ZMYND8: variants seen among roughly 807,000 people sequenced by gnomAD.
ZMYND8 encodes zinc finger MYND-type containing 8.
A neutral mutation model predicts 140.8 loss-of-function variants in ZMYND8; 37 were observed. That is an observed-to-expected ratio of 0.26 (90% CI 0.20 to 0.35). The LOEUF (loss-of-function observed/expected upper bound fraction) is 0.35, where lower values mean the gene tolerates loss of function less well. ZMYND8 is among the 10% of genes least tolerant of loss of function. The probability of loss-of-function intolerance (pLI) is 1.00; values close to 1 mark genes in which losing one functional copy is unlikely to be tolerated. For missense variants in ZMYND8, 1,068 were observed against 1,570.0 expected (o/e 0.68, Z 5.40); for synonymous variants, 592 against 597.1 (o/e 0.99, Z 0.12).
At chr20:47,262,496 T>C (rs1368089844) in intron 11 of ZMYND8, 68 bp from the exon 12 acceptor site, 17 of 1,589,576 alleles carry the variant, frequency 1.1e-5, no homozygotes, top group Non-Finnish European at 1.5e-5. Flanking sequence ...AGGTGTGGTG[T>C]AGGGAGAGAA....
At position 47,246,072 on chromosome 20, in the gene ZMYND8, GTCT is replaced by G. The variant is rs1568977158; in HGVS notation, c.2217_2219del (p.Glu739del). 6.2e-7 allele frequency: 1 copy of G among 1,614,012 alleles called. No homozygotes were observed. ...TTTTTCGACCCTCCCGCCCAGAATG[GTCT>G]TCTCCTAAATCTATGACAAGTTCGC... is the stretch of plus-strand genomic sequence containing the variant. On this transcript the variant is annotated inframe_deletion, in exon 14 of 23. Coordinates refer to ENST00000471951, the MANE Select transcript of ZMYND8 (RefSeq NM_001281775.3).
chr20:47,210,976 C>CTCCTGCACAG, intron 22 of ZMYND8, 79 bp from the exon 23 acceptor site: 1 of 1,553,996 alleles, frequency 6.4e-7, no homozygotes, highest in South Asian at 1.2e-5. Flanking sequence ...TGACCTGCCC[C>CTCCTGCACAG]TCCTGCACAG....
At chr20:47,327,864 G>C (rs2080580694) in intron 2 of ZMYND8, among the ~76,000 whole-genome samples, 1 of 152,120 alleles carries the variant, frequency 6.6e-6, no homozygotes, top group South Asian at 2.1e-4. Flanking sequence ...GCCCAGCCTG[G>C]AGTGCAGTGG....
At chr20:47,318,925 AGG>A (rs1274871276) in intron 2 of ZMYND8, 1 of 1,345,998 alleles carries the variant, frequency 7.4e-7, no homozygotes, top group Non-Finnish European at 9.8e-7. Context: ...TGCGAGGGGC[AGG>A]GAACGCCAAG....
chr20:47,349,637 C>T (rs538448776), intron 1 of ZMYND8, among the ~76,000 whole-genome samples: 2 of 152,262 alleles, frequency 1.3e-5, no homozygotes, highest in Non-Finnish European at 2.9e-5. Context: ...ATGCAGCCCT[C>T]GGAGATGGGT....
chr20:47,350,015 G>C (rs2082641926), intron 1 of ZMYND8: 1 of 1,475,262 alleles, frequency 6.8e-7, no homozygotes, highest in Non-Finnish European at 8.9e-7. Context: ...ATGCAAACTA[G>C]TTATGTGGTG....
rs940571942 is a variant in ZMYND8, at chr20:47,209,740, G to A, written c.*1021C>T. 8.5e-5 allele frequency: 13 copies of A among 152,548 alleles called. No homozygotes were observed. The highest frequency in any genetic ancestry group is 2.9e-5 in the Non-Finnish European group (2 of 68,022). The allele number at this position is 152,548 out of a possible 1,614,324, so 9.4% of individuals were successfully genotyped here. ...TGGCTCTACAGCATACGTAGTGTAC[G>A]GACAGCATGACGGGCCTTGCTTTCT... On this transcript the variant is annotated 3_prime_UTR_variant, in exon 23 of 23. Transcript: ENST00000471951.
At chr20:47,211,024 T>C in intron 22 of ZMYND8, 127 bp from the exon 23 acceptor site, 1 of 1,295,390 alleles carries the variant, frequency 7.7e-7, no homozygotes, top group East Asian at 2.4e-5. Context: ...GTTCAAACAC[T>C]GCCACCGCTG....
At chr20:47,323,626 G>C (rs1353063098) in intron 2 of ZMYND8, among the ~76,000 whole-genome samples, 3 of 152,100 alleles carry the variant, frequency 2.0e-5, no homozygotes, top group African/African-American at 7.2e-5. Context: ...AACCCCCTCA[G>C]GCTGTCAGGA....
At chr20:47,315,037 A>G (rs1348510570) in intron 2 of ZMYND8, among the ~76,000 whole-genome samples, 3 of 152,178 alleles carry the variant, frequency 2.0e-5, no homozygotes, top group East Asian at 1.9e-4. Flanking sequence ...CTCAGCTCCA[A>G]TGATTAAAAA....
chr20:47,256,918 G>T (rs1296966279), intron 12 of ZMYND8, among the ~76,000 whole-genome samples: 1 of 152,144 alleles, frequency 6.6e-6, no homozygotes, highest in Non-Finnish European at 1.5e-5. Context: ...TCACTAACAG[G>T]ACTACTGACT....
chr20:47,271,829 G>C (rs568361371), intron 11 of ZMYND8, among the ~76,000 whole-genome samples: 19 of 152,130 alleles, frequency 1.2e-4, no homozygotes, highest in African/African-American at 4.6e-4. Flanking sequence ...CTGCAGGCGT[G>C]TGCCACCACG....
At position 47,266,441 on chromosome 20, in the gene ZMYND8, C is replaced by T. The variant is rs138499461; in HGVS notation, c.1481-4013G>A. ...GATTACAGGCGCCCACCACCACGCC[C>T]GGCTAATTTTTGTATTTTTAGTAGA... is the stretch of plus-strand genomic sequence containing the variant. On this transcript the variant is annotated intron_variant, in intron 11 of 22. Transcript: ENST00000471951. Among the ~76,000 whole-genome samples the T allele has an allele frequency of 1.9e-3, 287 of 152,170 alleles. 7 individuals are homozygous for T. In the East Asian group the frequency reaches 0.046, roughly 25 times the overall value.
chr20:47,281,491 G>T (rs941682252), intron 10 of ZMYND8, among the ~76,000 whole-genome samples: 2 of 152,284 alleles, frequency 1.3e-5, no homozygotes, highest in East Asian at 1.9e-4. Flanking sequence ...CCTACCTGTT[G>T]TTCTCAAGCA....
At chr20:47,230,230 T>C (rs766121841) in intron 16 of ZMYND8, among the ~76,000 whole-genome samples, 3 of 151,980 alleles carry the variant, frequency 2.0e-5, no homozygotes, top group Admixed American at 6.6e-5. Context: ...CTAGTTTCCA[T>C]ACTACAGTTT....
chr20:47,278,883 G>C (rs1601547037), intron 10 of ZMYND8, among the ~76,000 whole-genome samples: 2 of 152,192 alleles, frequency 1.3e-5, no homozygotes, highest in African/African-American at 2.4e-5. Context: ...ATCTGAGAAG[G>C]CATCAGGGTC....
intron 1 of ZMYND8, chr20:47,355,468 A>G (rs777830553): frequency 2.0e-6 from 2 of 985,446 alleles, no homozygotes; most frequent in Non-Finnish European, 2.4e-6. Flanking sequence ...TGTTCAAGCA[A>G]CCGTCTCATT....
intron 11 of ZMYND8, among the ~76,000 whole-genome samples, chr20:47,271,133 CTA>C (rs1034593004): frequency 1.3e-5 from 2 of 151,948 alleles, no homozygotes; most frequent in Non-Finnish European, 2.9e-5. Context: ...GCCCATACTC[CTA>C]TGTGGCAAGA....
At chr20:47,319,545 T>C (rs3746482) in intron 2 of ZMYND8, 35,535 of 163,104 alleles carry the variant, frequency 0.22, 6,474 homozygotes, top group African/African-American at 0.51. Context: ...TCCTCCACCC[T>C]TCTCTCAATA....
Sources: gnomAD v4.1 joint callset for allele counts (sites outside exome capture counted in the v4.1 genomes callset) on GRCh38, gnomAD v4.1.1 for gene constraint, MANE v1.5 for transcripts, NCBI Gene and HGNC (gene_info 2026-07-23, HGNC 2026-07-21) for gene names.